The following CPM variants were observed in gnomAD, a reference collection of about 807,000 sequenced individuals.
CPM encodes carboxypeptidase M.
A neutral mutation model predicts 46.4 loss-of-function variants in CPM; 35 were observed. The observed-to-expected ratio is 0.75, with a 90% CI of 0.58 to 1.00. CPM has a LOEUF of 1.00. Among genes scored for constraint, CPM ranks in the 50% least tolerant of loss-of-function variants. The pLI, the probability that CPM is intolerant of heterozygous loss-of-function variation, is 0.00. For missense variants in CPM, 422 were observed against 530.4 expected (o/e 0.80, Z 2.01); for synonymous variants, 195 against 195.3 (o/e 1.00, Z 0.01).
At chr12:68,934,357 G>A (rs1888628775), upstream of CPM, among the ~76,000 whole-genome samples, 1 of 152,148 alleles carries the variant, frequency 6.6e-6, no homozygotes, top group Admixed American at 6.5e-5. Flanking sequence ...TGAATCTAAT[G>A]TGCCTTCAAG....
At chr12:68,909,390 A>G (rs1887485722) in intron 2 of CPM, among the ~76,000 whole-genome samples, 1 of 152,042 alleles carries the variant, frequency 6.6e-6, no homozygotes, top group African/African-American at 2.4e-5. Context: ...TTTTTCACCC[A>G]TTAGAATGGA....
At chr12:68,961,796 G>A (rs1889116796) in intron 1 of CPM, among the ~76,000 whole-genome samples, 1 of 151,626 alleles carries the variant, frequency 6.6e-6, no homozygotes, top group African/African-American at 2.4e-5. Context: ...CAACAACTGT[G>A]TAGGTTGAAA....
intron 1 of CPM, among the ~76,000 whole-genome samples, chr12:68,950,717 C>T (rs771952735): frequency 7.2e-5 from 11 of 152,194 alleles, no homozygotes; most frequent in Admixed American, 1.3e-4. Flanking sequence ...GCTTCCGCGA[C>T]CCCCAGGCCA....
intron 2 of CPM, among the ~76,000 whole-genome samples, chr12:68,901,909 C>A (rs1433064337): frequency 6.6e-6 from 1 of 152,074 alleles, no homozygotes; most frequent in Non-Finnish European, 1.5e-5. Context: ...GGGGATGGCA[C>A]AGGAGCTGGG....
chr12:68,933,929 C>G (rs1345181548), upstream of CPM, among the ~76,000 whole-genome samples: 1 of 152,144 alleles, frequency 6.6e-6, no homozygotes, highest in African/African-American at 2.4e-5. Context: ...GAGTCTTAGG[C>G]CAATTACAGG....
chr12:68,842,696 T>C, intron 5 of CPM: 1 of 199,362 alleles, frequency 5.0e-6, no homozygotes, highest in Non-Finnish European at 1.1e-5. Flanking sequence ...TAGTGATATA[T>C]ATAAAGTAAA....
At chr12:68,884,465 T>C (rs1045586501) in intron 3 of CPM, among the ~76,000 whole-genome samples, 21 of 152,048 alleles carry the variant, frequency 1.4e-4, no homozygotes, top group African/African-American at 4.6e-4. Context: ...GAGTGTACCA[T>C]GAAGGGTAGA....
Position 68,866,936 on chromosome 12 carries a change from G to C in CPM, c.900C>G (p.Asn300Lys), listed in dbSNP as rs373408348. The C allele has an allele frequency of 1.1e-4, 177 of 1,613,942 alleles. No individual in the cohort carries two copies. The highest frequency in any genetic ancestry group is 1.7e-5 in the Admixed American group (1 of 59,982). The part of the protein sequence containing the change: ...EEKLPSFWNN[N>K]KASLIEYIKQ... Reference sequence around the variant, plus strand: ...TTATATATTCAATTAATGAGGCTTTGTTATTATTCCAAAAGGATGGAAGCT... The same window carrying C: ...TTATATATTCAATTAATGAGGCTTTCTTATTATTCCAAAAGGATGGAAGCT... The change falls in exon 7 of 9, where the codon AAC (asparagine) becomes AAG (lysine). Residue 300 changes from asparagine to lysine, a missense_variant. Asn to Lys is a moderately conservative substitution (Grantham distance 94). Coordinates refer to ENST00000551568, the MANE Select transcript of CPM (RefSeq NM_198320.5).
chr12:68,942,584 T>C (rs544492335), intron 1 of CPM, among the ~76,000 whole-genome samples: 13 of 152,362 alleles, frequency 8.5e-5, no homozygotes, highest in African/African-American at 3.1e-4. Context: ...TATTGTTTAC[T>C]CTGTGTCAGG....
chr12:68,889,738 CG>C (rs1017285592), intron 2 of CPM, among the ~76,000 whole-genome samples: 20 of 152,076 alleles, frequency 1.3e-4, no homozygotes, highest in African/African-American at 4.6e-4. Flanking sequence ...AGATTCTCCC[CG>C]GGGCCTGAAA....
chr12:68,933,052 G>T, intron 1 of CPM, 90 bp downstream of exon 1: 1 of 479,352 alleles, frequency 2.1e-6, no homozygotes, highest in South Asian at 2.7e-5. Context: ...CGACCCAGCC[G>T]CCCGCGCCTC....
At chr12:68,884,693 A>T (rs1798647083) in intron 3 of CPM, among the ~76,000 whole-genome samples, 1 of 152,216 alleles carries the variant, frequency 6.6e-6, no homozygotes, top group African/African-American at 2.4e-5. Flanking sequence ...CCTTACTGGG[A>T]TGGCTGGGGA....
In CPM at chr12:68,918,452, C is replaced by T. The variant is rs542979951; in HGVS notation, c.160+14226G>A. On this transcript the variant is annotated intron_variant, in intron 2 of 8. Coordinates refer to ENST00000551568, the MANE Select transcript of CPM (RefSeq NM_198320.5). ...AGTTCACAATTTCTAAAGAAAATGT[C>T]TGAATCAGAGCCCTTGATTTCATCC... Among the ~76,000 whole-genome samples the T allele has an allele frequency of 5.3e-5, 8 of 152,290 alleles. No individual in the cohort carries two copies. The South Asian group carries it at 1.7e-3, about 32-fold the overall frequency.
chr12:68,861,658 A>T (rs1401330003), intron 7 of CPM, among the ~76,000 whole-genome samples: 2 of 151,606 alleles, frequency 1.3e-5, no homozygotes, highest in Non-Finnish European at 2.9e-5. Flanking sequence ...CCTCCTAAGT[A>T]GCTGGGATTA....
At chr12:68,933,051 C>T (rs1888580672) in intron 1 of CPM, 91 bp downstream of exon 1, 2 of 479,826 alleles carry the variant, frequency 4.2e-6, no homozygotes, top group Admixed American at 3.6e-5. Context: ...TCGACCCAGC[C>T]GCCCGCGCCT....
intron 2 of CPM, among the ~76,000 whole-genome samples, chr12:68,887,708 T>A (rs1241231508): frequency 6.6e-6 from 1 of 152,194 alleles, no homozygotes; most frequent in African/African-American, 2.4e-5. Flanking sequence ...ATCTATTGGA[T>A]AATAGTAACA....
chr12:68,870,437 G>T, intron 4 of CPM, 38 bp from the exon 5 acceptor site: 1 of 1,561,302 alleles, frequency 6.4e-7, no homozygotes, highest in Non-Finnish European at 8.8e-7. Flanking sequence ...TATTGATAGG[G>T]CATGAGGGAG....
At chr12:68,908,352 C>G (rs562811485) in intron 2 of CPM, among the ~76,000 whole-genome samples, 1 of 151,522 alleles carries the variant, frequency 6.6e-6, no homozygotes, top group East Asian at 1.9e-4. Context: ...TGCTGTGTCT[C>G]TACCTACAGC....
intron 2 of CPM, among the ~76,000 whole-genome samples, chr12:68,901,963 G>A (rs1379938071): frequency 3.3e-5 from 5 of 152,074 alleles, no homozygotes; most frequent in Non-Finnish European, 5.9e-5. Flanking sequence ...ACCCAGCCTG[G>A]GAATGCCAAC....
Sources: gnomAD v4.1 joint callset for allele counts (sites outside exome capture counted in the v4.1 genomes callset) on GRCh38, gnomAD v4.1.1 for gene constraint, MANE v1.5 for transcripts, NCBI Gene and HGNC (gene_info 2026-07-23, HGNC 2026-07-21) for gene names.